Variants in CSMD1 observed in about 807,000 individuals in gnomAD.
CSMD1 encodes CUB and sushi domain-containing protein 1.
A neutral mutation model predicts 417.5 loss-of-function variants in CSMD1; 213 were observed. The observed-to-expected ratio is 0.51, with a 90% CI of 0.46 to 0.57. The LOEUF (loss-of-function observed/expected upper bound fraction) is 0.57, where lower values mean the gene tolerates loss of function less well. CSMD1 is among the 20% of genes least tolerant of loss of function. The pLI, the probability that CSMD1 is intolerant of heterozygous loss-of-function variation, is 0.00. For synonymous variants in CSMD1, 2,862 were observed against 1,736.8 expected, an observed-to-expected ratio of 1.65 and a Z score of -16.11; for missense variants, 6,923 against 4,529.7, an observed-to-expected ratio of 1.53 and a Z score of -15.17.
chr8:4,518,081 A>G (rs1803221968), intron 2 of CSMD1, among the ~76,000 whole-genome samples: 3 of 152,232 alleles, frequency 2.0e-5, no homozygotes, highest in African/African-American at 7.2e-5. Flanking sequence ...CAAATGTCTA[A>G]TATCATCCAA....
At chr8:4,347,195 T>C (rs35645563) in intron 3 of CSMD1, among the ~76,000 whole-genome samples, 17,844 of 152,046 alleles carry the variant, frequency 0.12, 1,428 homozygotes, top group African/African-American at 0.22. Context: ...TCCTAACTTA[T>C]TAATCTTGAG....
chr8:4,279,349 T>C (rs923885776), intron 3 of CSMD1, among the ~76,000 whole-genome samples: 2 of 152,202 alleles, frequency 1.3e-5, no homozygotes, highest in Non-Finnish European at 2.9e-5. Context: ...CAGATACAGG[T>C]GGCAAACGGA....
chr8:4,410,306 C>T (rs990186361), intron 3 of CSMD1, among the ~76,000 whole-genome samples: 3 of 152,114 alleles, frequency 2.0e-5, no homozygotes, highest in South Asian at 4.1e-4. Flanking sequence ...AGGTAATGAG[C>T]GCTTAGTCAC....
intron 1 of CSMD1, among the ~76,000 whole-genome samples, chr8:4,870,067 C>T (rs1000172565): frequency 6.6e-6 from 1 of 152,014 alleles, no homozygotes; most frequent in East Asian, 1.9e-4. Context: ...GACTTCAAGA[C>T]TTTTGTGAAT....
At chr8:4,291,007 A>C (rs1216735703) in intron 3 of CSMD1, among the ~76,000 whole-genome samples, 1 of 152,172 alleles carries the variant, frequency 6.6e-6, no homozygotes, top group African/African-American at 2.4e-5. Flanking sequence ...ATGTATATGT[A>C]ATGATGTCAA....
chr8:3,697,950 A>C (rs1359549847), intron 7 of CSMD1, among the ~76,000 whole-genome samples: 1 of 152,218 alleles, frequency 6.6e-6, no homozygotes, highest in Non-Finnish European at 1.5e-5. Context: ...TGCTGAAACC[A>C]CTTGAAAAGC....
chr8:3,578,301 C>A (rs1800237221), intron 9 of CSMD1, among the ~76,000 whole-genome samples: 1 of 132,214 alleles, frequency 7.6e-6, no homozygotes. Context: ...CTGAGTAGAT[C>A]CAATGAGTGA....
intron 26 of CSMD1, among the ~76,000 whole-genome samples, chr8:3,266,075 C>G (rs1801408395): frequency 6.6e-6 from 1 of 151,618 alleles, no homozygotes; most frequent in Non-Finnish European, 1.5e-5. Flanking sequence ...CCTTATGAAT[C>G]CATGTCCATG....
intron 3 of CSMD1, among the ~76,000 whole-genome samples, chr8:4,189,714 G>C (rs534917292): frequency 6.6e-6 from 1 of 152,042 alleles, no homozygotes; most frequent in African/African-American, 2.4e-5. Flanking sequence ...TTTTTCATTT[G>C]TATTCTAATT....
intron 3 of CSMD1, among the ~76,000 whole-genome samples, chr8:4,223,734 G>C (rs968379786): frequency 3.3e-5 from 5 of 152,110 alleles, no homozygotes; most frequent in Non-Finnish European, 7.4e-5. Flanking sequence ...GAGGAATTTG[G>C]GTCAGATTCT....
intron 5 of CSMD1, among the ~76,000 whole-genome samples, chr8:3,921,731 T>C (rs1000376238): frequency 4.6e-5 from 7 of 152,182 alleles, no homozygotes; most frequent in African/African-American, 1.7e-4. Flanking sequence ...TTTCATAATA[T>C]AAGAGTCAGG....
chr8:4,484,234 T>C (rs958797957), intron 2 of CSMD1, among the ~76,000 whole-genome samples: 9 of 152,152 alleles, frequency 5.9e-5, no homozygotes, highest in Non-Finnish European at 1.2e-4. Flanking sequence ...TTCTGATTGT[T>C]TTCAAAAATT....
intron 36 of CSMD1, chr8:3,182,966 G>C (rs918033744): frequency 7.1e-6 from 1 of 140,046 alleles, no homozygotes; most frequent in Non-Finnish European, 1.5e-5. Context: ...CACCGTGTTA[G>C]TTAGGATGGT....
intron 50 of CSMD1, among the ~76,000 whole-genome samples, chr8:3,045,433 CAT>C (rs1410671064): frequency 3.9e-5 from 6 of 152,276 alleles, no homozygotes; most frequent in South Asian, 4.1e-4. Context: ...TAAGCCCTGT[CAT>C]ATGTTTTACA....
At chr8:4,352,311 C>G (rs756727966) in intron 3 of CSMD1, among the ~76,000 whole-genome samples, 8 of 152,302 alleles carry the variant, frequency 5.3e-5, no homozygotes, top group Middle Eastern at 3.4e-3. Context: ...ATAGAACTAT[C>G]TATGCCATCA....
chr8:4,080,958 A>T (rs1044603733), intron 3 of CSMD1, among the ~76,000 whole-genome samples: 1 of 152,118 alleles, frequency 6.6e-6, no homozygotes, highest in African/African-American at 2.4e-5. Context: ...ACCCTCCTGA[A>T]TCAAATTAAT....
chr8:4,738,538 C>T (rs929292530), intron 1 of CSMD1, among the ~76,000 whole-genome samples: 1 of 152,062 alleles, frequency 6.6e-6, no homozygotes, highest in African/African-American at 2.4e-5. Flanking sequence ...TGGCCACTCC[C>T]ATAACAGGGG....
chr8:4,900,213 G>A (rs1158067136), intron 1 of CSMD1, among the ~76,000 whole-genome samples: 1 of 152,028 alleles, frequency 6.6e-6, no homozygotes, highest in African/African-American at 2.4e-5. Flanking sequence ...CACGGGTTGG[G>A]TGCCTCTATC....
At chr8:4,862,147 G>A (rs1802173052) in intron 1 of CSMD1, among the ~76,000 whole-genome samples, 1 of 152,042 alleles carries the variant, frequency 6.6e-6, no homozygotes, top group South Asian at 2.1e-4. Flanking sequence ...GGAGGCATCA[G>A]GGAGTGAACG....
Sources: allele counts gnomAD v4.1 joint callset (sites outside exome capture counted in the v4.1 genomes callset), GRCh38; gene constraint gnomAD v4.1.1; transcripts MANE v1.5; gene names NCBI Gene and HGNC (gene_info 2026-07-23, HGNC 2026-07-21).